The following FAXC variants were observed in gnomAD, a reference collection of about 807,000 sequenced individuals.
FAXC encodes the protein failed axon connections homolog.
A neutral mutation model predicts 41.9 loss-of-function variants in FAXC; 10 were observed. That is an observed-to-expected ratio of 0.24 (90% CI 0.15 to 0.41). The LOEUF (loss-of-function observed/expected upper bound fraction) is 0.41, where lower values mean the gene tolerates loss of function less well. Among genes scored for constraint, FAXC ranks in the 10% least tolerant of loss-of-function variants. The pLI, the probability that FAXC is intolerant of heterozygous loss-of-function variation, is 1.00. For synonymous variants in FAXC, 183 were observed against 183.8 expected (o/e 1.00, Z 0.03); for missense variants, 399 against 510.9 (o/e 0.78, Z 2.11).
In FAXC at chr6:99,318,151, C is replaced by T. The variant is rs1400919165; in HGVS notation, c.823+5293G>A. 4.0e-5 allele frequency among the ~76,000 whole-genome samples: 6 copies of T among 151,758 alleles called. No homozygotes were observed. The South Asian group carries it at 8.3e-4, about 21-fold the overall frequency. Reference sequence around the variant, plus strand: ...GTGGGCGCCTTTAGTCCCAGCTACTCGGGAGGCTGAGGCAGGAGAATGGCG... The same window carrying T: ...GTGGGCGCCTTTAGTCCCAGCTACTTGGGAGGCTGAGGCAGGAGAATGGCG... On this transcript the variant is annotated intron_variant, in intron 4 of 5. Coordinates refer to ENST00000389677, the MANE Select transcript of FAXC (RefSeq NM_032511.4).
chr6:99,299,608 T>G (rs1771626529), intron 4 of FAXC, among the ~76,000 whole-genome samples: 1 of 152,184 alleles, frequency 6.6e-6, no homozygotes, highest in African/African-American at 2.4e-5. Flanking sequence ...AAACAAAGAT[T>G]TTGAGTGCTT....
At chr6:99,339,065 C>T (rs1001471851) in intron 2 of FAXC, among the ~76,000 whole-genome samples, 6 of 152,172 alleles carry the variant, frequency 3.9e-5, no homozygotes, top group African/African-American at 1.2e-4. Flanking sequence ...ATCACTGCCA[C>T]CCCCTTCCCC....
intron 3 of FAXC, among the ~76,000 whole-genome samples, chr6:99,330,555 G>T (rs1160798360): frequency 6.6e-6 from 1 of 152,226 alleles, no homozygotes; most frequent in Non-Finnish European, 1.5e-5. Flanking sequence ...ATTATGTGAT[G>T]TAATATAACA....
intron 4 of FAXC, among the ~76,000 whole-genome samples, chr6:99,300,081 T>C (rs1233440839): frequency 6.6e-6 from 1 of 152,096 alleles, no homozygotes; most frequent in African/African-American, 2.4e-5. Context: ...ATGAACTATC[T>C]CGACACCTTC....
In FAXC at chr6:99,274,810, T is replaced by A. The variant is rs1436934995; in HGVS notation, c.*6354A>T. ...CATTTGGACATGGTTTATATTTTAA[T>A]AAGCCAAATATAATCTCTTGTAGAA... is the stretch of plus-strand genomic sequence containing the variant. On this transcript the variant is annotated 3_prime_UTR_variant, in exon 6 of 6. Coordinates refer to ENST00000389677, the MANE Select transcript of FAXC (RefSeq NM_032511.4). 3 of 152,216 alleles carry A rather than the reference T, an allele frequency of 2.0e-5. No homozygotes were observed. Among genetic ancestry groups the A allele is most frequent in the African/African-American group, 7.2e-5 (3 of 41,472 alleles). 9.4% of individuals were successfully genotyped at this position (152,216 alleles called of 1,614,324 possible).
chr6:99,283,565 T>A (rs1409962170), intron 5 of FAXC, among the ~76,000 whole-genome samples: 1 of 152,192 alleles, frequency 6.6e-6, no homozygotes, highest in Admixed American at 6.5e-5. Context: ...CTAGAAGATA[T>A]CTGTGCACAT....
rs1331095692 is a variant in FAXC, at chr6:99,274,091, A to G, written c.*7073T>C. ...ATTTATAAAATGAAAAATATATGCC[A>G]CAAACACTCTTGAGAGACTAGAAGG... On this transcript the variant is annotated 3_prime_UTR_variant, in exon 6 of 6. Coordinates refer to ENST00000389677, the MANE Select transcript of FAXC (RefSeq NM_032511.4). 1 of 152,226 alleles carries G rather than the reference A, an allele frequency of 6.6e-6. No homozygotes were observed. The highest frequency in any genetic ancestry group is 1.9e-4 in the East Asian group (1 of 5,202). The allele number at this position is 152,226 out of a possible 1,614,324, so 9.4% of individuals were successfully genotyped here. A position where few individuals can be genotyped will look rare whatever the true frequency, so the allele number is the denominator to read the frequency against.
rs1562139223 is a variant in FAXC at position 99,273,777 on chromosome 6, A to G, written c.*7387T>C. 1 of 152,018 alleles carries G rather than the reference A, an allele frequency of 6.6e-6. No homozygotes were observed. The highest frequency in any genetic ancestry group is 2.4e-5 in the African/African-American group (1 of 41,384). 9.4% of individuals were successfully genotyped at this position (152,018 alleles called of 1,614,324 possible). Reference sequence around the variant, plus strand: ...CTAAAGACTCCTTGTCCCATTCTCTAAACTCCATTGAGGACCAGAAAATAT... The same window carrying G: ...CTAAAGACTCCTTGTCCCATTCTCTGAACTCCATTGAGGACCAGAAAATAT... On this transcript the variant is annotated 3_prime_UTR_variant, in exon 6 of 6. Coordinates refer to ENST00000389677, the MANE Select transcript of FAXC (RefSeq NM_032511.4).
intron 5 of FAXC, among the ~76,000 whole-genome samples, chr6:99,290,517 C>A (rs1771199770): frequency 6.6e-6 from 1 of 151,848 alleles, no homozygotes; most frequent in Non-Finnish European, 1.5e-5. Flanking sequence ...GCCTGACCGA[C>A]ATGGCAAAAC....
chr6:99,340,141 C>T (rs1321672863), intron 2 of FAXC, among the ~76,000 whole-genome samples: 1 of 152,044 alleles, frequency 6.6e-6, no homozygotes, highest in African/African-American at 2.4e-5. Flanking sequence ...ACTCTGTCTC[C>T]CAGACTAGAG....
intron 2 of FAXC, among the ~76,000 whole-genome samples, chr6:99,335,886 G>GT (rs1773198691): frequency 6.6e-6 from 1 of 151,916 alleles, no homozygotes; most frequent in Admixed American, 6.6e-5. Flanking sequence ...TGATTGCTAG[G>GT]TAAAAAGCAA....
chr6:99,331,184 AT>A (rs1773012981), intron 3 of FAXC, among the ~76,000 whole-genome samples: 2 of 152,192 alleles, frequency 1.3e-5, no homozygotes, highest in African/African-American at 4.8e-5. Context: ...CAAATTAACC[AT>A]TGAGAAGACA....
In FAXC at chr6:99,311,471, A is replaced by G. The variant is rs374776020; in HGVS notation, c.823+11973T>C. On this transcript the variant is annotated intron_variant, in intron 4 of 5. Coordinates refer to ENST00000389677, the MANE Select transcript of FAXC (RefSeq NM_032511.4). ...GCACCTGTAATCCCAGCTACTCGGGAGGCTGAGGCAGGAGAATTGCTTGAA... is the reference window on the plus strand; with the variant it reads ...GCACCTGTAATCCCAGCTACTCGGGGGGCTGAGGCAGGAGAATTGCTTGAA... 7.2e-5 allele frequency among the ~76,000 whole-genome samples: 11 copies of G among 152,332 alleles called. No individual in the cohort carries two copies. The East Asian group carries it at 1.5e-3, about 21-fold the overall frequency.
At chr6:99,334,495 T>G (rs558061640) in intron 2 of FAXC, 68 of 363,110 alleles carry the variant, frequency 1.9e-4, no homozygotes, top group African/African-American at 1.4e-3. Flanking sequence ...CACATATGGA[T>G]CTCTAGACAT....
chr6:99,281,471 A>T lies in FAXC; in HGVS notation c.941-18T>A. 21 of 1,588,046 alleles carry T rather than the reference A, an allele frequency of 1.3e-5. No individual in the cohort carries two copies. Among genetic ancestry groups the T allele is most frequent in the Non-Finnish European group, 1.8e-5 (21 of 1,159,344 alleles). Reference sequence around the variant, plus strand: ...CAGCTCACCTGCAGTGTGGTAAGGAAAGCAAGGATTAGTTCTCAAAGGCAG... The same window carrying T: ...CAGCTCACCTGCAGTGTGGTAAGGATAGCAAGGATTAGTTCTCAAAGGCAG... On this transcript the variant is annotated intron_variant, in intron 5 of 5. Coordinates refer to ENST00000389677, the MANE Select transcript of FAXC (RefSeq NM_032511.4).
chr6:99,295,298 G>A (rs930844218), intron 4 of FAXC, among the ~76,000 whole-genome samples: 2 of 152,172 alleles, frequency 1.3e-5, no homozygotes, highest in Non-Finnish European at 1.5e-5. Context: ...AATACCTGAT[G>A]GCAGAAAGCC....
chr6:99,307,693 G>A (rs1181044635), intron 4 of FAXC, among the ~76,000 whole-genome samples: 2 of 152,156 alleles, frequency 1.3e-5, no homozygotes, highest in African/African-American at 4.8e-5. Context: ...ATAGGAGAGG[G>A]CGGTTTAATG....
chr6:99,337,440 G>T (rs534415753), intron 2 of FAXC, among the ~76,000 whole-genome samples: 5 of 152,142 alleles, frequency 3.3e-5, no homozygotes, highest in African/African-American at 7.2e-5. Context: ...AATGATGTAG[G>T]TGTCTTTACA....
chr6:99,298,075 G>A (rs1289885665), intron 4 of FAXC, among the ~76,000 whole-genome samples: 1 of 152,110 alleles, frequency 6.6e-6, no homozygotes, highest in African/African-American at 2.4e-5. Flanking sequence ...AACTTTAGAG[G>A]TATTAAAATC....
Sources: allele counts gnomAD v4.1 joint callset (sites outside exome capture counted in the v4.1 genomes callset), GRCh38; gene constraint gnomAD v4.1.1; transcripts MANE v1.5; gene names NCBI Gene and HGNC (gene_info 2026-07-23, HGNC 2026-07-21).